Variants in KIAA1217 observed in about 807,000 individuals in gnomAD.
KIAA1217 encodes the protein sickle tail protein homolog.
KIAA1217 carries 88 observed loss-of-function variants against 163.9 expected under a neutral mutation model. That is an observed-to-expected ratio of 0.54 (90% confidence interval 0.45 to 0.64). The LOEUF is 0.64. KIAA1217 is among the 30% of genes least tolerant of loss of function. The probability of loss-of-function intolerance (pLI) is 0.00; values close to 1 mark genes in which losing one functional copy is unlikely to be tolerated. For synonymous variants in KIAA1217, 903 were observed against 923.1 expected (o/e 0.98, Z 0.39); for missense variants, 2,372 against 2,475.0 (o/e 0.96, Z 0.88).
At chr10:24,422,754 C>T (rs1463249207) in intron 3 of KIAA1217, among the ~76,000 whole-genome samples, 1 of 151,264 alleles carries the variant, frequency 6.6e-6, no homozygotes, top group African/African-American at 2.4e-5. Context: ...ACCAATTTGT[C>T]TGAAACAAAA....
intron 1 of KIAA1217, among the ~76,000 whole-genome samples, chr10:23,860,615 G>A (rs1464022064): frequency 2.0e-5 from 3 of 151,982 alleles, no homozygotes; most frequent in East Asian, 1.9e-4. Flanking sequence ...CAGATATGCA[G>A]TTTTAAAAAA....
intron 1 of KIAA1217, among the ~76,000 whole-genome samples, chr10:23,758,626 T>TTC (rs573288653): frequency 0.015 from 1,760 of 116,906 alleles, 31 homozygotes; most frequent in Middle Eastern, 0.024. Flanking sequence ...CTTTCTTACT[T>TTC]TCTCTCTCTC....
intron 10 of KIAA1217, among the ~76,000 whole-genome samples, chr10:24,519,750 T>C (rs182441319): frequency 1.2e-3 from 184 of 150,866 alleles, no homozygotes; most frequent in African/African-American, 4.3e-3. Context: ...GGTCTCCCTC[T>C]CTCTCTCTTT....
intron 2 of KIAA1217, among the ~76,000 whole-genome samples, chr10:24,140,623 C>T (rs2064024164): frequency 6.6e-6 from 1 of 152,166 alleles, no homozygotes; most frequent in African/African-American, 2.4e-5. Context: ...GATTTCATCA[C>T]ACCACTCAGA....
At chr10:24,528,322 G>GTTTTTTTTTTTTTTTTTTTTTTTTTTT (rs374557035) in intron 14 of KIAA1217, among the ~76,000 whole-genome samples, 1 of 134,490 alleles carries the variant, frequency 7.4e-6, no homozygotes, top group South Asian at 2.4e-4. Flanking sequence ...TTTTTTTTTT[G>GTTTTTTTTTTTTTTTTTTTTTTTTTTT]TTTTTTTTTT....
At chr10:23,895,035 AC>A (rs2131225631) in intron 1 of KIAA1217, among the ~76,000 whole-genome samples, 1 of 152,260 alleles carries the variant, frequency 6.6e-6, no homozygotes, top group South Asian at 2.1e-4. Flanking sequence ...AACCATAAAA[AC>A]CCTAGAAGAA....
In KIAA1217 at chr10:24,524,469, C is replaced by G. The variant is rs761449683; in HGVS notation, c.2603C>G (p.Ala868Gly). ...TSGQPFHSTG[A>G]PGDAKSEVVP... is the part of the protein sequence containing the mutation. Reference sequence around the variant, plus strand: ...GGCCAGCCCTTCCACAGCACAGGTGCCCCTGGCGATGCGAAGTCGGAAGTG... The same window carrying G: ...GGCCAGCCCTTCCACAGCACAGGTGGCCCTGGCGATGCGAAGTCGGAAGTG... The change falls in exon 13 of 21, where the codon GCC (alanine) becomes GGC (glycine). Residue 868 changes from alanine to glycine, a missense_variant. This residue lies in a region of KIAA1217 where 1,431 missense variants were observed against 1,470.3 expected (regional missense o/e 0.97). Transcript: ENST00000376454. 7 of 1,614,178 alleles carry G rather than the reference C, an allele frequency of 4.3e-6. No homozygotes were observed. The South Asian group carries it at 4.4e-5, about 10-fold the overall frequency.
At chr10:24,476,222 G>T (rs945232812) in intron 6 of KIAA1217, among the ~76,000 whole-genome samples, 3 of 152,184 alleles carry the variant, frequency 2.0e-5, no homozygotes, top group African/African-American at 7.2e-5. Flanking sequence ...AGTGTCATCT[G>T]TGTGATTACC....
intron 2 of KIAA1217, among the ~76,000 whole-genome samples, chr10:24,182,327 G>A (rs969479816): frequency 2.0e-5 from 3 of 152,118 alleles, no homozygotes; most frequent in East Asian, 1.9e-4. Flanking sequence ...TGCCAGCTAC[G>A]CGGGAGGCTA....
At chr10:23,699,855 C>T (rs1836310116) in intron 1 of KIAA1217, among the ~76,000 whole-genome samples, 1 of 152,126 alleles carries the variant, frequency 6.6e-6, no homozygotes, top group Admixed American at 6.5e-5. Context: ...TGCTTTTCCT[C>T]CAGATCGTAA....
chr10:23,918,185 C>A (rs1183168271), intron 1 of KIAA1217, among the ~76,000 whole-genome samples: 1 of 135,336 alleles, frequency 7.4e-6, no homozygotes, highest in African/African-American at 2.8e-5. Context: ...GAGATAGGGT[C>A]TTGCTTCATT....
chr10:24,294,493 G>A (rs1259930149), intron 2 of KIAA1217, among the ~76,000 whole-genome samples: 1 of 152,148 alleles, frequency 6.6e-6, no homozygotes, highest in Non-Finnish European at 1.5e-5. Context: ...TGATGTGTGT[G>A]GATGCTACTT....
In KIAA1217 at chr10:24,291,305, G is replaced by T. The variant is rs183234265; in HGVS notation, c.354+71396G>T. 1.4e-4 allele frequency among the ~76,000 whole-genome samples: 21 copies of T among 152,254 alleles called. No homozygotes were observed. The East Asian group carries it at 4.1e-3, about 29-fold the overall frequency. On this transcript the variant is annotated intron_variant, in intron 2 of 20. Transcript: ENST00000376454. ...GCACTTTGAGAGGCTGAGGCGGGCG[G>T]ATCACCTGAGGTCAGGAATTCCAGA... is the stretch of plus-strand genomic sequence containing the variant.
chr10:24,409,284 A>T lies in KIAA1217; in HGVS notation c.554-23711A>T, dbSNP rs929022551. 4.1e-4 allele frequency among the ~76,000 whole-genome samples: 63 copies of T among 152,202 alleles called. 2 individuals are homozygous for T. The highest frequency in any genetic ancestry group is 1.5e-5 in the Non-Finnish European group (1 of 68,038). Reference sequence around the variant, plus strand: ...GACTGAGTTTAAGTTGCATCATTTAATGTACTCTTGAGATAAGCAACAGCA... The same window carrying T: ...GACTGAGTTTAAGTTGCATCATTTATTGTACTCTTGAGATAAGCAACAGCA... On this transcript the variant is annotated intron_variant, in intron 3 of 20. Coordinates refer to ENST00000376454, the MANE Select transcript of KIAA1217 (RefSeq NM_019590.5).
Position 24,486,870 on chromosome 10 carries a change from C to T in KIAA1217, c.1680-7630C>T, listed in dbSNP as rs78065027. ...AATGGTCAGTAGAATGTAACCTCCA[C>T]GTAAGCAAGGAGTTTTGTCTGTTTT... On this transcript the variant is annotated intron_variant, in intron 6 of 20. Transcript: ENST00000376454. 5.3e-3 allele frequency among the ~76,000 whole-genome samples: 812 copies of T among 152,254 alleles called. 7 individuals are homozygous for T. The highest frequency in any genetic ancestry group is 0.019 in the African/African-American group (771 of 41,530).
chr10:23,704,494 T>C (rs1421489885), intron 1 of KIAA1217, among the ~76,000 whole-genome samples: 1 of 151,990 alleles, frequency 6.6e-6, no homozygotes, highest in Non-Finnish European at 1.5e-5. Flanking sequence ...AAACTGCTCA[T>C]CTACTTTCTG....
intron 5 of KIAA1217, among the ~76,000 whole-genome samples, chr10:24,467,077 T>C (rs1226343319): frequency 1.3e-5 from 2 of 152,274 alleles, no homozygotes; most frequent in South Asian, 2.1e-4. Context: ...AATTTTAATA[T>C]GTTGTTTCTT....
At chr10:23,983,089 G>C (rs893742487) in intron 1 of KIAA1217, among the ~76,000 whole-genome samples, 1 of 151,782 alleles carries the variant, frequency 6.6e-6, no homozygotes, top group African/African-American at 2.4e-5. Flanking sequence ...CAGATCAGAG[G>C]TGTGCAAGAA....
intron 1 of KIAA1217, among the ~76,000 whole-genome samples, chr10:24,218,792 G>A (rs942433365): frequency 6.6e-6 from 1 of 151,960 alleles, no homozygotes; most frequent in Non-Finnish European, 1.5e-5. Flanking sequence ...CCTGGCCCTC[G>A]ATTGTTACTT....
Sources: allele counts gnomAD v4.1 joint callset (sites outside exome capture counted in the v4.1 genomes callset), GRCh38; gene constraint gnomAD v4.1.1; regional missense constraint gnomAD v4.1.1; transcripts MANE v1.5; gene names NCBI Gene and HGNC (gene_info 2026-07-23, HGNC 2026-07-21).